Variants in RBMS3 observed in about 807,000 individuals in gnomAD.
The protein encoded by RBMS3 is RNA binding motif single stranded interacting protein 3.
In RBMS3, 27 loss-of-function variants were observed where a neutral mutation model predicts 66.8. The ratio of observed to expected loss-of-function variants is 0.40; its 90% CI spans 0.30 to 0.56. The LOEUF (loss-of-function observed/expected upper bound fraction) is 0.56, where lower values mean the gene tolerates loss of function less well. Among genes scored for constraint, RBMS3 ranks in the 20% least tolerant of loss-of-function variants. The probability of loss-of-function intolerance (pLI) is 0.40; values close to 1 mark genes in which losing one functional copy is unlikely to be tolerated. For missense variants in RBMS3, 513 were observed against 549.5 expected, an observed-to-expected ratio of 0.93 and a Z score of 0.66; for synonymous variants, 188 against 183.0, an observed-to-expected ratio of 1.03 and a Z score of -0.22.
chr3:29,432,589 G>A lies in RBMS3; in HGVS notation c.76-2154G>A, dbSNP rs138623025. Among the ~76,000 whole-genome samples the A allele has an allele frequency of 1.8e-3, 280 of 152,212 alleles. 1 individual carries two copies. Among genetic ancestry groups the A allele is most frequent in the African/African-American group, 6.2e-3 (258 of 41,522 alleles). On this transcript the variant is annotated intron_variant, in intron 1 of 14. Transcript: ENST00000383767. ...CCTAAATATTTCTCAAGCACCTACT[G>A]TATATCAGGCACTAGGCTACATACA...
chr3:29,381,523 C>T (rs1388807230), intron 1 of RBMS3, among the ~76,000 whole-genome samples: 1 of 152,176 alleles, frequency 6.6e-6, no homozygotes, highest in Non-Finnish European at 1.5e-5. Context: ...GAGAGCTTCA[C>T]AGTGCCATCT....
chr3:29,522,442 C>A (rs2044896818), intron 3 of RBMS3, among the ~76,000 whole-genome samples: 1 of 152,096 alleles, frequency 6.6e-6, no homozygotes, highest in Non-Finnish European at 1.5e-5. Flanking sequence ...GATCGGCCCG[C>A]CTTTGCCTCC....
intron 6 of RBMS3, among the ~76,000 whole-genome samples, chr3:29,855,817 A>G (rs1465624065): frequency 1.3e-5 from 2 of 152,230 alleles, no homozygotes; most frequent in Non-Finnish European, 2.9e-5. Flanking sequence ...GCTGGAAAAT[A>G]CATAAGCTTG....
intron 10 of RBMS3, among the ~76,000 whole-genome samples, chr3:29,918,709 T>C (rs2149649231): frequency 6.6e-6 from 1 of 152,264 alleles, no homozygotes; most frequent in East Asian, 1.9e-4. Context: ...TCTATGTAAG[T>C]ATCTAAAACT....
At chr3:29,773,754 A>T (rs899886146) in intron 6 of RBMS3, among the ~76,000 whole-genome samples, 1 of 152,094 alleles carries the variant, frequency 6.6e-6, no homozygotes, top group Non-Finnish European at 1.5e-5. Flanking sequence ...TTACATCCCC[A>T]TTCGGGGCCA....
intron 3 of RBMS3, among the ~76,000 whole-genome samples, chr3:29,553,278 G>A (rs796871095): frequency 5.9e-5 from 9 of 152,242 alleles, no homozygotes; most frequent in African/African-American, 1.9e-4. Context: ...AACAGGCTAC[G>A]AGGCAGAGAT....
chr3:29,565,676 CAAAA>C (rs2046716558), intron 3 of RBMS3, among the ~76,000 whole-genome samples: 1 of 152,146 alleles, frequency 6.6e-6, no homozygotes, highest in African/African-American at 2.4e-5. Context: ...TCTAGTTCCT[CAAAA>C]ACAGCCAAAG....
chr3:29,747,344 T>C (rs2054948547), intron 5 of RBMS3, among the ~76,000 whole-genome samples: 1 of 151,972 alleles, frequency 6.6e-6, no homozygotes, highest in African/African-American at 2.4e-5. Flanking sequence ...TGAGCCTCTT[T>C]TCCTGACATC....
intron 4 of RBMS3, among the ~76,000 whole-genome samples, chr3:29,669,205 T>C (rs778438181): frequency 1.3e-5 from 2 of 152,194 alleles, no homozygotes; most frequent in Non-Finnish European, 2.9e-5. Context: ...AGACTTTACC[T>C]TAAACTATAT....
intron 10 of RBMS3, among the ~76,000 whole-genome samples, chr3:29,911,077 A>G (rs114311541): frequency 0.01 from 1,596 of 152,196 alleles, 36 homozygotes; most frequent in African/African-American, 0.037. Context: ...TATAAGCAGT[A>G]AAGAGGAGGA....
At chr3:29,354,940 C>T (rs1381247288) in intron 1 of RBMS3, among the ~76,000 whole-genome samples, 1 of 152,064 alleles carries the variant, frequency 6.6e-6, no homozygotes, top group Non-Finnish European at 1.5e-5. Context: ...GAGATAGATA[C>T]CATTTATCCA....
At chr3:29,601,849 G>T (rs1002679266) in intron 4 of RBMS3, among the ~76,000 whole-genome samples, 1 of 152,186 alleles carries the variant, frequency 6.6e-6, no homozygotes, top group Non-Finnish European at 1.5e-5. Context: ...AGATAAAACA[G>T]AAGAGGAGAC....
At chr3:29,849,502 A>T (rs1314092283) in intron 6 of RBMS3, among the ~76,000 whole-genome samples, 4 of 149,644 alleles carry the variant, frequency 2.7e-5, no homozygotes, top group Non-Finnish European at 5.9e-5. Flanking sequence ...TGACAGAGTG[A>T]GACTCTGTCT....
intron 6 of RBMS3, among the ~76,000 whole-genome samples, chr3:29,817,326 C>A (rs556331306): frequency 6.6e-6 from 1 of 151,814 alleles, no homozygotes; most frequent in East Asian, 2.0e-4. Flanking sequence ...GTCTCAGTGT[C>A]CCGAGTAACT....
intron 1 of RBMS3, among the ~76,000 whole-genome samples, chr3:29,361,535 G>C (rs936692305): frequency 6.6e-6 from 1 of 152,046 alleles, no homozygotes; most frequent in African/African-American, 2.4e-5. Context: ...CTTGGAGTTG[G>C]TCTTCTTGAG....
At chr3:29,486,082 A>G (rs2043307277) in intron 2 of RBMS3, among the ~76,000 whole-genome samples, 1 of 152,156 alleles carries the variant, frequency 6.6e-6, no homozygotes, top group Non-Finnish European at 1.5e-5. Flanking sequence ...TTTCATAGGT[A>G]TATTACATTC....
intron 12 of RBMS3, among the ~76,000 whole-genome samples, chr3:29,968,858 C>G (rs543210151): frequency 6.6e-6 from 1 of 152,336 alleles, no homozygotes; most frequent in South Asian, 2.1e-4. Context: ...GTTCTGCCTT[C>G]CGTCCACCAT....
At chr3:29,343,847 ATT>A (rs1007910876) in intron 1 of RBMS3, among the ~76,000 whole-genome samples, 2 of 152,156 alleles carry the variant, frequency 1.3e-5, no homozygotes, top group African/African-American at 4.8e-5. Context: ...TGCATTCCCT[ATT>A]TTGCTATGCT....
chr3:29,653,932 T>C lies in RBMS3; in HGVS notation c.399+66727T>C, dbSNP rs566166624. Reference sequence around the variant, plus strand: ...GCCTTGTCAAGCCCTGTTTTCCGTGTCTTCATAAACCTTGTCAGGCATTTA... The same window carrying C: ...GCCTTGTCAAGCCCTGTTTTCCGTGCCTTCATAAACCTTGTCAGGCATTTA... On this transcript the variant is annotated intron_variant, in intron 4 of 14. Transcript: ENST00000383767. Among the ~76,000 whole-genome samples the C allele has an allele frequency of 2.0e-5, 3 of 152,320 alleles. No individual in the cohort carries two copies. The East Asian group carries it at 5.8e-4, about 29-fold the overall frequency.
Sources: allele counts gnomAD v4.1 joint callset (sites outside exome capture counted in the v4.1 genomes callset), GRCh38; gene constraint gnomAD v4.1.1; transcripts MANE v1.5; gene names NCBI Gene and HGNC (gene_info 2026-07-23, HGNC 2026-07-21).